ADGRG2: variants seen among roughly 807,000 people sequenced by gnomAD.
ADGRG2 encodes the protein adhesion G protein-coupled receptor G2.
Under a neutral mutation model 74.1 loss-of-function variants are expected in ADGRG2, and 26 were observed. The observed-to-expected ratio is 0.35, with a 90% CI of 0.26 to 0.49. ADGRG2 has a LOEUF of 0.49. Among genes scored for constraint, ADGRG2 ranks in the 20% least tolerant of loss-of-function variants. ADGRG2 has a pLI of 0.99. For synonymous variants in ADGRG2, 296 were observed against 295.2 expected (o/e 1.00, Z -0.03); for missense variants, 619 against 763.1 (o/e 0.81, Z 2.22).
chrX:19,023,786 C>A (rs2060642763), intron 12 of ADGRG2, 123 bp downstream of exon 12: 1 of 511,212 alleles, frequency 2.0e-6, no homozygotes, highest in East Asian at 3.5e-5. Context: ...CTAGTCCATT[C>A]ATTCTCTTAC....
At chrX:19,049,490 T>C (rs1206755447) in intron 3 of ADGRG2, among the ~76,000 whole-genome samples, 2 of 105,177 alleles carry the variant, frequency 1.9e-5, no homozygotes, top group African/African-American at 7.3e-5. Flanking sequence ...GAACCAATTT[T>C]CCACCCCAAT....
chrX:19,113,042 T>A (rs1215633804), intron 1 of ADGRG2, among the ~76,000 whole-genome samples: 2 of 102,877 alleles, frequency 1.9e-5, no homozygotes, highest in Non-Finnish European at 3.9e-5. Context: ...AATAGAAGTG[T>A]TCCAGACTAA....
intron 1 of ADGRG2, among the ~76,000 whole-genome samples, chrX:19,093,864 T>C (rs1006611909): frequency 9.2e-6 from 1 of 109,171 alleles, no homozygotes; most frequent in East Asian, 2.9e-4. Flanking sequence ...TCAACCTAAG[T>C]GTCTATCAAT....
At chrX:19,009,843 G>A (rs2060316531) in intron 17 of ADGRG2, 61 bp from the exon 18 acceptor site, 2 of 935,303 alleles carry the variant, frequency 2.1e-6, no homozygotes, top group African/African-American at 2.0e-5. Flanking sequence ...ACGGAGTCTC[G>A]CTCTGTTGCC....
At chrX:19,038,930 G>A (rs1224765199) in intron 4 of ADGRG2, among the ~76,000 whole-genome samples, 3 of 112,059 alleles carry the variant, frequency 2.7e-5, no homozygotes, top group Non-Finnish European at 5.6e-5. Flanking sequence ...AAATTGGCGA[G>A]ATCAAAAGAG....
intron 24 of ADGRG2, among the ~76,000 whole-genome samples, chrX:19,001,819 A>G (rs2060137131): frequency 9.0e-6 from 1 of 111,017 alleles, no homozygotes; most frequent in Non-Finnish European, 1.9e-5. Context: ...ATATAAGGAG[A>G]CGGAGAGCCA....
chrX:19,014,187 G>T, intron 15 of ADGRG2, 113 bp from the exon 16 acceptor site: 1 of 577,636 alleles, frequency 1.7e-6, no homozygotes, highest in Non-Finnish European at 2.7e-6. Flanking sequence ...GTTACATCAG[G>T]GACATGACAC....
chrX:19,110,774 A>T (rs1298099191), intron 1 of ADGRG2, among the ~76,000 whole-genome samples: 1 of 111,297 alleles, frequency 9.0e-6, no homozygotes, highest in Non-Finnish European at 1.9e-5. Flanking sequence ...CAGAACAGTT[A>T]GTATAAAAGA....
chrX:19,115,692 C>A (rs988365242), intron 1 of ADGRG2, among the ~76,000 whole-genome samples: 1 of 111,368 alleles, frequency 9.0e-6, no homozygotes, highest in African/African-American at 3.3e-5. Flanking sequence ...CGCGGTGGCT[C>A]CCGCCTATAA....
At chrX:19,055,252 GTGTGTGTGTGTGTGTGTGTA>G (rs766006129) in intron 3 of ADGRG2, among the ~76,000 whole-genome samples, 183 of 111,021 alleles carry the variant, frequency 1.6e-3, no homozygotes, top group Non-Finnish European at 3.1e-3. Flanking sequence ...GTGTGTGTGT[GTGTGTGTGTGTGTGTGTGTA>G]TGTGTGTGTG....
chrX:19,057,760 A>G (rs1052606311), intron 3 of ADGRG2, among the ~76,000 whole-genome samples: 3 of 111,381 alleles, frequency 2.7e-5, no homozygotes, highest in African/African-American at 9.8e-5. Flanking sequence ...GGTGCGCTTG[A>G]GCCCAGGTGT....
chrX:19,052,976 T>C (rs1249791334), intron 3 of ADGRG2, among the ~76,000 whole-genome samples: 1 of 112,026 alleles, frequency 8.9e-6, no homozygotes, highest in Non-Finnish European at 1.9e-5. Flanking sequence ...ATTACAGGCA[T>C]GAGCCACTGC....
At chrX:19,002,167 C>T (rs1052070888) in intron 24 of ADGRG2, among the ~76,000 whole-genome samples, 3 of 109,909 alleles carry the variant, frequency 2.7e-5, no homozygotes, top group Non-Finnish European at 5.7e-5. Flanking sequence ...ATGAACTCCC[C>T]AGTAATAGAA....
At chrX:19,054,733 T>C (rs934171361) in intron 3 of ADGRG2, among the ~76,000 whole-genome samples, 4 of 112,156 alleles carry the variant, frequency 3.6e-5, no homozygotes, top group African/African-American at 1.3e-4. Flanking sequence ...CCAACTACAT[T>C]TCCCAAAATT....
chrX:19,036,076 G>A, intron 6 of ADGRG2, 99 bp from the exon 7 acceptor site: 1 of 435,592 alleles, frequency 2.3e-6, no homozygotes, highest in Non-Finnish European at 3.8e-6. Flanking sequence ...CCCCAAATCT[G>A]GGAGAAGTTA....
At chrX:19,023,638 G>A (rs2060640334) in intron 12 of ADGRG2, among the ~76,000 whole-genome samples, 185 bp from the exon 13 acceptor site, 2 of 111,854 alleles carry the variant, frequency 1.8e-5, no homozygotes, top group Admixed American at 1.9e-4. Flanking sequence ...TACAATCTCT[G>A]TGAGGTCACT....
At position 19,068,083 on chromosome X, in the gene ADGRG2, A is replaced by G. The variant is rs142907277; in HGVS notation, c.118+634T>C. On this transcript the variant is annotated intron_variant, in intron 3 of 28. Coordinates refer to ENST00000379869, the MANE Select transcript of ADGRG2 (RefSeq NM_001079858.3). ...GTTTAGCAGTTTCTCAAGATGTTCA[A>G]CACAGGGTTATATGATCCAGCAATT... Among the ~76,000 whole-genome samples, 11 of 112,310 alleles carry G rather than the reference A, an allele frequency of 9.8e-5. No individual in the cohort carries two copies. In the East Asian group the frequency reaches 2.8e-3, roughly 28 times the overall value.
chrX:19,091,637 T>C (rs939562757), intron 1 of ADGRG2, among the ~76,000 whole-genome samples: 1 of 111,876 alleles, frequency 8.9e-6, no homozygotes, highest in African/African-American at 3.3e-5. Context: ...TGCAGATCTT[T>C]TCTGCAAGGG....
chrX:19,000,451 G>T (rs2060108108), intron 24 of ADGRG2, among the ~76,000 whole-genome samples: 1 of 111,974 alleles, frequency 8.9e-6, no homozygotes, highest in Non-Finnish European at 1.9e-5. Context: ...AGGCAGCTGG[G>T]TGTGTGTGGC....
Sources: gnomAD v4.1 joint callset for allele counts (sites outside exome capture counted in the v4.1 genomes callset) on GRCh38, gnomAD v4.1.1 for gene constraint, MANE v1.5 for transcripts, NCBI Gene and HGNC (gene_info 2026-07-23, HGNC 2026-07-21) for gene names.